Variants in DOCK2 observed in about 807,000 individuals in gnomAD.
The protein encoded by DOCK2 is dedicator of cytokinesis 2, also known as dedicator of cytokinesis protein 2.
Under a neutral mutation model 248.9 loss-of-function variants are expected in DOCK2, and 87 were observed. The ratio of observed to expected loss-of-function variants is 0.35; its 90% CI spans 0.29 to 0.42. The LOEUF is 0.42. Ranked by LOEUF, DOCK2 falls within the 10% of genes least tolerant of loss-of-function variation. DOCK2 has a pLI of 1.00. For missense variants in DOCK2, 1,747 were observed against 2,300.2 expected (o/e 0.76, Z 4.92); for synonymous variants, 805 against 821.6 (o/e 0.98, Z 0.35).
chr5:170,056,578 G>A (rs949372486), intron 42 of DOCK2, 106 bp from the exon 43 acceptor site: 1 of 845,430 alleles, frequency 1.2e-6, no homozygotes, highest in Non-Finnish European at 1.9e-6. Context: ...GACTCTGCCA[G>A]GCCTGAAGTT....
intron 27 of DOCK2, among the ~76,000 whole-genome samples, chr5:169,850,737 A>G (rs1022565964): frequency 2.0e-5 from 3 of 152,204 alleles, no homozygotes; most frequent in African/African-American, 7.2e-5. Context: ...TAAAATATAT[A>G]TACAAAACAT....
intron 29 of DOCK2, 91 bp downstream of exon 29, chr5:169,986,013 T>G (rs981934419): frequency 3.3e-6 from 4 of 1,225,362 alleles, no homozygotes; most frequent in South Asian, 1.7e-5. Flanking sequence ...CAATTTCTCC[T>G]TGCTGAAAAG....
chr5:169,934,462 G>C (rs932656051), intron 27 of DOCK2, among the ~76,000 whole-genome samples: 1 of 152,178 alleles, frequency 6.6e-6, no homozygotes, highest in African/African-American at 2.4e-5. Context: ...CACCACACTG[G>C]TTTTGTAGTA....
intron 29 of DOCK2, among the ~76,000 whole-genome samples, chr5:169,990,068 A>G (rs1320058326): frequency 7.0e-6 from 1 of 143,318 alleles, no homozygotes; most frequent in East Asian, 2.1e-4. Flanking sequence ...TGTAATCCAG[A>G]AAGAAAGAAC....
At chr5:169,889,147 T>C (rs1773143420) in intron 27 of DOCK2, among the ~76,000 whole-genome samples, 1 of 152,210 alleles carries the variant, frequency 6.6e-6, no homozygotes, top group East Asian at 1.9e-4. Flanking sequence ...TCCTGTATTA[T>C]CTAATTTGCC....
chr5:169,991,609 C>T (rs1778207790), intron 29 of DOCK2, among the ~76,000 whole-genome samples: 1 of 152,236 alleles, frequency 6.6e-6, no homozygotes, highest in Non-Finnish European at 1.5e-5. Flanking sequence ...TACAAGACTG[C>T]TTTGAGTCAC....
At chr5:169,757,984 A>G (rs912137260) in intron 23 of DOCK2, among the ~76,000 whole-genome samples, 1 of 152,202 alleles carries the variant, frequency 6.6e-6, no homozygotes, top group Non-Finnish European at 1.5e-5. Flanking sequence ...CCTAAAATGT[A>G]TATGTCTATA....
At position 170,069,133 on chromosome 5, in the gene DOCK2, C is replaced by T. The variant is rs369872890; in HGVS notation, c.4645-4C>T. 51 of 1,613,454 alleles carry T rather than the reference C, an allele frequency of 3.2e-5. No individual in the cohort carries two copies. The African/African-American group carries it at 5.3e-4, about 17-fold the overall frequency. On this transcript the variant is annotated splice_region_variant and splice_polypyrimidine_tract_variant and intron_variant, in intron 45 of 51. Coordinates refer to ENST00000520908, the MANE Select transcript of DOCK2 (RefSeq NM_004946.3). ...AACCCTGACCTCCTATCTGTCCTCC[C>T]CAGGCCTTCTTCACTGAAGAGTATG... is the stretch of plus-strand genomic sequence containing the variant.
chr5:169,785,101 G>A (rs1023448332), intron 25 of DOCK2, among the ~76,000 whole-genome samples: 2 of 152,082 alleles, frequency 1.3e-5, no homozygotes, highest in Admixed American at 6.5e-5. Context: ...AAAACTACCC[G>A]TATAAGAGAT....
chr5:169,744,251 G>A lies in DOCK2; in HGVS notation c.2268-3145G>A, dbSNP rs540147814. On this transcript the variant is annotated intron_variant, in intron 22 of 51. Coordinates refer to ENST00000520908, the MANE Select transcript of DOCK2 (RefSeq NM_004946.3). The stretch of plus-strand genomic sequence containing the variant: ...AGAGCAGATCACTGCTCTCTTTCTC[G>A]TGAAAATCAAATTTAGTTTCCTACA... Among the ~76,000 whole-genome samples the A allele has an allele frequency of 7.6e-4, 115 of 152,260 alleles. 1 individual carries two copies. In the South Asian group the frequency reaches 0.014, roughly 18 times the overall value.
intron 26 of DOCK2, among the ~76,000 whole-genome samples, chr5:169,833,881 C>T (rs1018846934): frequency 6.6e-5 from 10 of 152,226 alleles, no homozygotes; most frequent in African/African-American, 2.4e-4. Context: ...TTGATATTGG[C>T]ATCTCTCCAA....
intron 25 of DOCK2, among the ~76,000 whole-genome samples, chr5:169,799,791 G>T (rs1050423058): frequency 6.6e-6 from 1 of 151,572 alleles, no homozygotes; most frequent in African/African-American, 2.4e-5. Flanking sequence ...ACTCTCAAAA[G>T]TCCTTAGGCC....
chr5:170,042,659 C>T (rs1756561255), intron 38 of DOCK2, among the ~76,000 whole-genome samples: 1 of 152,212 alleles, frequency 6.6e-6, no homozygotes, highest in African/African-American at 2.4e-5. Context: ...ACCATAGCTG[C>T]CCACTGGAAC....
Position 169,872,346 on chromosome 5 carries a change from C to T in DOCK2, c.2799+31494C>T, listed in dbSNP as rs184790052. Among the ~76,000 whole-genome samples, 19 of 152,294 alleles carry T rather than the reference C, an allele frequency of 1.2e-4. No individual in the cohort carries two copies. The East Asian group carries it at 3.1e-3, about 25-fold the overall frequency. The stretch of plus-strand genomic sequence containing the variant: ...CATCTCTGGGGAAGAATTACAGTCT[C>T]GGATCACAGGAACTTTAGTTTGTAT... On this transcript the variant is annotated intron_variant, in intron 27 of 51. Transcript: ENST00000520908.
At chr5:169,831,717 A>C (rs758079329) in intron 26 of DOCK2, among the ~76,000 whole-genome samples, 1 of 152,232 alleles carries the variant, frequency 6.6e-6, no homozygotes, top group African/African-American at 2.4e-5. Context: ...AGAAAAGTAC[A>C]TGCCACATAT....
At chr5:169,749,396 T>C (rs908481033) in intron 23 of DOCK2, among the ~76,000 whole-genome samples, 1 of 152,188 alleles carries the variant, frequency 6.6e-6, no homozygotes, top group Non-Finnish European at 1.5e-5. Context: ...GCCAAAACCA[T>C]AATAATCATA....
chr5:169,846,828 G>C (rs1345649529), intron 27 of DOCK2, among the ~76,000 whole-genome samples: 2 of 151,992 alleles, frequency 1.3e-5, no homozygotes, highest in Non-Finnish European at 2.9e-5. Flanking sequence ...CTAATATGTT[G>C]TTTTTTTATT....
At chr5:170,023,843 A>G (rs962522162) in intron 33 of DOCK2, among the ~76,000 whole-genome samples, 1 of 152,190 alleles carries the variant, frequency 6.6e-6, no homozygotes, top group Non-Finnish European at 1.5e-5. Context: ...CAATGTCAGC[A>G]CCAGACGTGT....
At chr5:169,978,390 T>C (rs113011664) in intron 27 of DOCK2, among the ~76,000 whole-genome samples, 20 of 16,576 alleles carry the variant, frequency 1.2e-3, no homozygotes, top group South Asian at 2.1e-3. Context: ...TGTGTGTGTG[T>C]GTGGGGGGGG....
Sources: allele counts gnomAD v4.1 joint callset (sites outside exome capture counted in the v4.1 genomes callset), GRCh38; gene constraint gnomAD v4.1.1; transcripts MANE v1.5; gene names NCBI Gene and HGNC (gene_info 2026-07-23, HGNC 2026-07-21).